ADARB1: variants seen among roughly 807,000 people sequenced by gnomAD.
The protein encoded by ADARB1 is adenosine deaminase RNA specific B1.
A neutral mutation model predicts 52.4 loss-of-function variants in ADARB1; 10 were observed. The ratio of observed to expected loss-of-function variants is 0.19; its 90% confidence interval spans 0.12 to 0.32. The LOEUF is 0.32. Among genes scored for constraint, ADARB1 ranks in the 10% least tolerant of loss-of-function variants. ADARB1 has a pLI of 1.00. For synonymous variants in ADARB1, 349 were observed against 371.1 expected (o/e 0.94, Z 0.68); for missense variants, 643 against 922.3 (o/e 0.70, Z 3.92).
intron 1 of ADARB1, among the ~76,000 whole-genome samples, chr21:45,076,131 C>T (rs1351380410): frequency 1.3e-5 from 2 of 152,160 alleles, no homozygotes; most frequent in African/African-American, 4.8e-5. Context: ...CCATCTTTTC[C>T]TTGGGGTTGA....
Position 45,204,803 on chromosome 21 carries a change from ATG to A in ADARB1, c.1747+68_1747+69del. 6.5e-7 allele frequency: 1 copy of A among 1,544,040 alleles called. No homozygotes were observed. Among genetic ancestry groups the A allele is most frequent in the Non-Finnish European group, 8.8e-7 (1 of 1,132,754 alleles). On this transcript the variant is annotated intron_variant, in intron 9 of 10. Transcript: ENST00000348831. The surrounding 1 kb of genome is among the most constrained non-coding windows in gnomAD (Gnocchi z 4.4). Reference sequence around the variant, plus strand: ...TTTTGCAATGTTTTCATCCTCATGAATGAAAAAAACACCACCTGAGCTGCTCT... The same window carrying A: ...TTTTGCAATGTTTTCATCCTCATGAAAAAAAAACACCACCTGAGCTGCTCT...
chr21:45,189,032 T>C (rs1022035968), intron 8 of ADARB1, among the ~76,000 whole-genome samples: 9 of 152,192 alleles, frequency 5.9e-5, no homozygotes, highest in African/African-American at 2.2e-4. Context: ...CATCTCATGA[T>C]ACTTATTCAC....
rs200567642 is a variant in ADARB1 at position 45,176,460 on chromosome 21, C to T, written c.759C>T (p.Ser253=). 125 of 1,614,174 alleles carry T rather than the reference C, an allele frequency of 7.7e-5. No individual in the cohort carries two copies. Among genetic ancestry groups the T allele is most frequent in the South Asian group, 1.4e-4 (13 of 91,080 alleles). Residue 253 remains serine, a synonymous_variant, in exon 4 of 11, where the codon TCC becomes TCT. Coordinates refer to ENST00000348831, the MANE Select transcript of ADARB1 (RefSeq NM_001112.4). The surrounding 1 kb of genome is among the most constrained non-coding windows in gnomAD (Gnocchi z 5.8). ...LRPGLKYDFL[S]ESGESHAKSF... is the part of the protein sequence containing the mutation. ...CAGGACTCAAGTATGACTTCCTCTCCGAGAGCGGGGAGAGCCATGCCAAGA... is the reference window on the plus strand; with the variant it reads ...CAGGACTCAAGTATGACTTCCTCTCTGAGAGCGGGGAGAGCCATGCCAAGA...
At chr21:45,194,998 G>C (rs917511885) in intron 8 of ADARB1, among the ~76,000 whole-genome samples, 39 of 152,210 alleles carry the variant, frequency 2.6e-4, no homozygotes, top group African/African-American at 9.2e-4. Context: ...CTGCCAAACT[G>C]TCCTTCAAAG....
At chr21:45,099,607 C>G (rs966146215) in intron 1 of ADARB1, among the ~76,000 whole-genome samples, 1 of 151,778 alleles carries the variant, frequency 6.6e-6, no homozygotes, top group East Asian at 1.9e-4. Context: ...GGGGACCACT[C>G]CAGCCTGGGT....
chr21:45,161,403 C>A (rs2090958647), intron 2 of ADARB1, among the ~76,000 whole-genome samples: 1 of 152,224 alleles, frequency 6.6e-6, no homozygotes, highest in Non-Finnish European at 1.5e-5. Context: ...GCACCTGCTC[C>A]AGTTTCAGAT....
At chr21:45,131,455 A>G (rs116580412) in intron 2 of ADARB1, among the ~76,000 whole-genome samples, 1 of 152,356 alleles carries the variant, frequency 6.6e-6, no homozygotes, top group African/African-American at 2.4e-5. Flanking sequence ...GGCTTAGAGA[A>G]TTATGAGCAG....
chr21:45,146,770 A>G (rs1411813808), intron 2 of ADARB1, among the ~76,000 whole-genome samples: 1 of 152,248 alleles, frequency 6.6e-6, no homozygotes, highest in Admixed American at 6.5e-5. Context: ...TAATTTCATC[A>G]TAAAGAATCC....
intron 2 of ADARB1, chr21:45,152,643 G>A: frequency 4.4e-6 from 2 of 451,334 alleles, no homozygotes; most frequent in Non-Finnish European, 4.5e-6. Context: ...TTGCACATGG[G>A]GACCTTTTTC....
intron 9 of ADARB1, among the ~76,000 whole-genome samples, chr21:45,207,949 G>GC (rs540045363): frequency 3.5e-4 from 53 of 152,304 alleles, no homozygotes; most frequent in Non-Finnish European, 6.5e-4. Flanking sequence ...TTTCATTTCA[G>GC]CCTGAACACT....
In ADARB1 at chr21:45,175,867, G is replaced by T; in HGVS notation, c.166G>T (p.Glu56Ter). 3 of 1,613,714 alleles carry T rather than the reference G, an allele frequency of 1.9e-6. No homozygotes were observed. Among genetic ancestry groups the T allele is most frequent in the Non-Finnish European group, 1.7e-6 (2 of 1,179,828 alleles). ...GGGPGRKRPL[E>*]EGSNGHSKYR... The stretch of plus-strand genomic sequence containing the variant: ...TGGCCCCGGCAGAAAGCGGCCCCTG[G>T]AGGAGGGCAGCAATGGCCACTCCAA... Residue 56 changes from glutamate (E) to a stop codon, truncating the protein, a stop_gained, in exon 4 of 11, where the codon GAG (glutamate) becomes TAG (stop). Transcript: ENST00000348831. LOFTEE classifies it high-confidence loss of function.
intron 1 of ADARB1, among the ~76,000 whole-genome samples, chr21:45,108,311 A>G (rs529231285): frequency 6.6e-6 from 1 of 152,288 alleles, no homozygotes; most frequent in African/African-American, 2.4e-5. Context: ...AAATAATCAA[A>G]AGTCTCACTT....
At chr21:45,174,414 A>G (rs1328904055) in intron 3 of ADARB1, among the ~76,000 whole-genome samples, 2 of 152,100 alleles carry the variant, frequency 1.3e-5, no homozygotes, top group Non-Finnish European at 2.9e-5. Context: ...TTAAAATAAA[A>G]AATTAGGGCT....
chr21:45,214,855 A>G (rs1437396686), intron 9 of ADARB1, among the ~76,000 whole-genome samples: 1 of 152,192 alleles, frequency 6.6e-6, no homozygotes, highest in African/African-American at 2.4e-5. Flanking sequence ...TTGGCTGCTT[A>G]GGTCCTTTTT....
At chr21:45,089,936 T>C (rs924200004) in intron 1 of ADARB1, among the ~76,000 whole-genome samples, 1 of 152,236 alleles carries the variant, frequency 6.6e-6, no homozygotes, top group Non-Finnish European at 1.5e-5. Flanking sequence ...CTAGGACTTC[T>C]GGTACTGTGC....
At chr21:45,116,250 AG>A (rs2087816079) in intron 1 of ADARB1, among the ~76,000 whole-genome samples, 1 of 152,242 alleles carries the variant, frequency 6.6e-6, no homozygotes, top group Admixed American at 6.5e-5. Flanking sequence ...CTTCAGCCCC[AG>A]GGTGGGGCTG....
At chr21:45,165,230 T>TCCA (rs1456309956) in intron 2 of ADARB1, among the ~76,000 whole-genome samples, 4 of 147,522 alleles carry the variant, frequency 2.7e-5, no homozygotes, top group Admixed American at 2.0e-4. Context: ...ACCACTGAGG[T>TCCA]GTTAGTGCCC....
chr21:45,217,486 T>G (rs1223435209), intron 9 of ADARB1, among the ~76,000 whole-genome samples: 2 of 152,180 alleles, frequency 1.3e-5, no homozygotes, highest in Admixed American at 6.5e-5. Flanking sequence ...CAGGATACTT[T>G]CGTTTTTCCA....
chr21:45,136,097 G>A (rs2089353024), intron 2 of ADARB1, among the ~76,000 whole-genome samples: 1 of 152,134 alleles, frequency 6.6e-6, no homozygotes, highest in African/African-American at 2.4e-5. Context: ...TCGGAGGGAG[G>A]GGAGTAAAAC....
Sources: gnomAD v4.1 joint callset for allele counts (sites outside exome capture counted in the v4.1 genomes callset) on GRCh38, gnomAD v4.1.1 for gene constraint, Gnocchi (gnomAD v3.1) non-coding constraint, MANE v1.5 for transcripts, NCBI Gene and HGNC (gene_info 2026-07-23, HGNC 2026-07-21) for gene names.